Variants in TTLL11 observed in about 807,000 individuals in gnomAD.
TTLL11 encodes tubulin tyrosine ligase like 11.
TTLL11 carries 42 observed loss-of-function variants against 51.7 expected under a neutral mutation model. The observed-to-expected ratio is 0.81, with a 90% CI of 0.64 to 1.05. TTLL11 has a LOEUF of 1.05. Among genes scored for constraint, TTLL11 ranks in the 50% least tolerant of loss-of-function variants. The probability of loss-of-function intolerance (pLI) is 0.00; values close to 1 mark genes in which losing one functional copy is unlikely to be tolerated. For missense variants in TTLL11, 799 were observed against 940.4 expected (o/e 0.85, Z 1.97); for synonymous variants, 381 against 383.5 (o/e 0.99, Z 0.08).
At chr9:121,887,446 C>T (rs1041392242) in intron 6 of TTLL11, among the ~76,000 whole-genome samples, 2 of 152,180 alleles carry the variant, frequency 1.3e-5, no homozygotes, top group South Asian at 2.1e-4. Flanking sequence ...TGAATGATAA[C>T]CTGCAATTTC....
At chr9:122,089,048 G>A (rs553620258) in intron 1 of TTLL11, among the ~76,000 whole-genome samples, 15 of 149,858 alleles carry the variant, frequency 1.0e-4, no homozygotes, top group African/African-American at 3.7e-4. Flanking sequence ...GAAAAAGGAA[G>A]CGAGATTGTG....
At chr9:121,901,941 T>C (rs1381153355) in intron 6 of TTLL11, among the ~76,000 whole-genome samples, 1 of 152,150 alleles carries the variant, frequency 6.6e-6, no homozygotes, top group African/African-American at 2.4e-5. Flanking sequence ...CATTCCTACA[T>C]TAAATTTTTT....
rs370110246 is a variant in TTLL11, at chr9:121,957,156, C to T, written c.1481+16853G>A. On this transcript the variant is annotated intron_variant, in intron 6 of 8. Transcript: ENST00000321582. ...CTCTCTCCCACCCCAACCCCTCCCT[C>T]AGGGCAGGAGCTTATAGTCTCAGGT... Among the ~76,000 whole-genome samples, 54 of 152,276 alleles carry T rather than the reference C, an allele frequency of 3.5e-4. 1 individual carries two copies. The South Asian group carries it at 0.011, about 31-fold the overall frequency.
At chr9:121,945,889 C>G (rs886835274) in intron 6 of TTLL11, among the ~76,000 whole-genome samples, 1 of 152,176 alleles carries the variant, frequency 6.6e-6, no homozygotes, top group Admixed American at 6.5e-5. Flanking sequence ...AAACTTATCC[C>G]TCTAAGTCAC....
At chr9:121,947,091 A>G (rs4837918) in intron 6 of TTLL11, among the ~76,000 whole-genome samples, 103,446 of 151,938 alleles carry the variant, frequency 0.68, 35,951 homozygotes, top group Non-Finnish European at 0.77. Context: ...AAAACCAGGT[A>G]TGTCCAGGTC....
intron 6 of TTLL11, among the ~76,000 whole-genome samples, chr9:121,972,818 G>A (rs1038233660): frequency 2.0e-5 from 3 of 152,224 alleles, no homozygotes; most frequent in Non-Finnish European, 4.4e-5. Flanking sequence ...GGGTTCTAAC[G>A]TGCAGCCAAG....
At chr9:121,975,541 G>A (rs778223355) in intron 4 of TTLL11, among the ~76,000 whole-genome samples, 2 of 152,090 alleles carry the variant, frequency 1.3e-5, no homozygotes, top group Non-Finnish European at 2.9e-5. Context: ...GCAAAACATC[G>A]TTTCTACTAA....
chr9:121,835,850 T>G (rs1837165559), intron 8 of TTLL11, among the ~76,000 whole-genome samples: 1 of 152,182 alleles, frequency 6.6e-6, no homozygotes, highest in Admixed American at 6.5e-5. Context: ...TGCAACTGCT[T>G]CATGCTGTTG....
chr9:122,007,944 T>C (rs970571985), intron 3 of TTLL11, among the ~76,000 whole-genome samples: 1 of 152,162 alleles, frequency 6.6e-6, no homozygotes, highest in African/African-American at 2.4e-5. Flanking sequence ...AAAGTTGACA[T>C]TACCAGTAAT....
Position 121,989,147 on chromosome 9 carries a change from G to C in TTLL11, c.1269+48C>G. 1 of 1,598,356 alleles carries C rather than the reference G, an allele frequency of 6.3e-7. No individual in the cohort carries two copies. Among genetic ancestry groups the C allele is most frequent in the South Asian group, 1.1e-5 (1 of 87,890 alleles). On this transcript the variant is annotated intron_variant, in intron 4 of 8. Transcript: ENST00000321582. This position sits in a 1 kb window ranked among gnomAD's most constrained non-coding sequence, Gnocchi z 4.2. ...CTACACGAAGCCAGAGAGCCCTCTTGAGGCCGGTCAAGGCTGGAAACGCAG... is the reference window on the plus strand; with the variant it reads ...CTACACGAAGCCAGAGAGCCCTCTTCAGGCCGGTCAAGGCTGGAAACGCAG...
intron 6 of TTLL11, among the ~76,000 whole-genome samples, chr9:121,936,882 C>G (rs982041661): frequency 6.6e-6 from 1 of 152,210 alleles, no homozygotes; most frequent in African/African-American, 2.4e-5. Flanking sequence ...CACCTAAACA[C>G]TGTCGTTAAA....
chr9:122,049,013 A>AG (rs1372433354), intron 1 of TTLL11, among the ~76,000 whole-genome samples: 4 of 152,172 alleles, frequency 2.6e-5, no homozygotes, highest in African/African-American at 9.6e-5. Flanking sequence ...GTGCCAGAAA[A>AG]AAAAAAAAAG....
chr9:122,051,599 C>T (rs1050196088), intron 1 of TTLL11, among the ~76,000 whole-genome samples: 1 of 152,128 alleles, frequency 6.6e-6, no homozygotes, highest in African/African-American at 2.4e-5. Flanking sequence ...TCACCAACAC[C>T]AGAGTCTGTC....
intron 1 of TTLL11, among the ~76,000 whole-genome samples, chr9:122,042,750 A>T (rs1844881091): frequency 6.6e-6 from 1 of 152,222 alleles, no homozygotes; most frequent in Non-Finnish European, 1.5e-5. Context: ...ATGAAATATT[A>T]TTCAGTGCTA....
At chr9:122,032,844 G>C (rs1381936646) in intron 2 of TTLL11, among the ~76,000 whole-genome samples, 1 of 150,036 alleles carries the variant, frequency 6.7e-6, no homozygotes, top group African/African-American at 2.5e-5. Context: ...GCCCAGGCTG[G>C]AGTGCAGTGG....
intron 3 of TTLL11, among the ~76,000 whole-genome samples, chr9:122,027,932 G>A (rs1844399452): frequency 6.6e-6 from 1 of 152,172 alleles, no homozygotes; most frequent in South Asian, 2.1e-4. Context: ...TAATAACAAT[G>A]TATTGTGTGG....
intron 6 of TTLL11, among the ~76,000 whole-genome samples, chr9:121,929,830 T>C (rs1474388746): frequency 6.6e-6 from 1 of 152,194 alleles, no homozygotes; most frequent in Non-Finnish European, 1.5e-5. Flanking sequence ...CTTTGGGTGT[T>C]TGTAGAATAA....
In TTLL11 at chr9:121,860,426, C is replaced by A; in HGVS notation, c.1751G>T (p.Ser584Ile). The change falls in exon 8 of 9, where the codon AGC becomes ATC. Residue 584 changes from serine to isoleucine, a missense_variant. Coordinates refer to ENST00000321582, the MANE Select transcript of TTLL11 (RefSeq NM_001139442.2). ...RTFIRSCKLS[S>I]SSLSMAAVDI... ...CACGGCAGCCATGGACAGGCTGCTG[C>A]TGCTGAGTTTGCAGCTCCTGCCAAC... is the stretch of plus-strand genomic sequence containing the variant. The A allele has an allele frequency of 6.4e-7, 1 of 1,551,116 alleles. No homozygotes were observed. Among genetic ancestry groups the A allele is most frequent in the Non-Finnish European group, 8.7e-7 (1 of 1,146,924 alleles).
intron 1 of TTLL11, among the ~76,000 whole-genome samples, chr9:122,059,261 C>T (rs1334439763): frequency 6.6e-6 from 1 of 152,184 alleles, no homozygotes; most frequent in Non-Finnish European, 1.5e-5. Flanking sequence ...AGCTACTGAG[C>T]TAAGTGCTGG....
Sources: gnomAD v4.1 joint callset for allele counts (sites outside exome capture counted in the v4.1 genomes callset) on GRCh38, gnomAD v4.1.1 for gene constraint, Gnocchi (gnomAD v3.1) non-coding constraint, MANE v1.5 for transcripts, NCBI Gene and HGNC (gene_info 2026-07-23, HGNC 2026-07-21) for gene names.